The following BTBD1 variants were observed in gnomAD, a reference collection of about 807,000 sequenced individuals.
BTBD1 encodes BTB/POZ domain-containing protein 1.
BTBD1 carries 34 observed loss-of-function variants against 48.0 expected under a neutral mutation model. The observed-to-expected ratio is 0.71, with a 90% CI of 0.54 to 0.94. BTBD1 has a LOEUF of 0.94. BTBD1 is among the 40% of genes least tolerant of loss of function. BTBD1 has a pLI of 0.00. For synonymous variants in BTBD1, 261 were observed against 242.1 expected (o/e 1.08, Z -0.72); for missense variants, 543 against 625.6 (o/e 0.87, Z 1.41).
At chr15:83,031,814 C>T (rs897904748) in intron 4 of BTBD1, among the ~76,000 whole-genome samples, 1 of 150,846 alleles carries the variant, frequency 6.6e-6, no homozygotes, top group African/African-American at 2.4e-5. Flanking sequence ...GGCCAATACA[C>T]ATAAGAAAAA....
chr15:83,046,329 GGTAGAAAGA>G (rs1446104122), intron 3 of BTBD1, among the ~76,000 whole-genome samples: 1 of 151,908 alleles, frequency 6.6e-6, no homozygotes, highest in Non-Finnish European at 1.5e-5. Flanking sequence ...TAGTCTATGG[GGTAGAAAGA>G]CAAACACATA....
At position 83,030,118 on chromosome 15, in the gene BTBD1, C is replaced by T. The variant is rs920634900; in HGVS notation, c.1055+18G>A. On this transcript the variant is annotated intron_variant, in intron 5 of 7. Coordinates refer to ENST00000261721, the MANE Select transcript of BTBD1 (RefSeq NM_025238.4). ...TGCTACCCCCACTCTACCCCCGCAT[C>T]CCCAATATAACAGATACCTGATTCG... is the stretch of plus-strand genomic sequence containing the variant. The T allele has an allele frequency of 1.2e-6, 2 of 1,612,392 alleles. No homozygotes were observed. Among genetic ancestry groups the T allele is most frequent in the Non-Finnish European group, 1.7e-6 (2 of 1,178,850 alleles).
In BTBD1 at chr15:83,017,494, T is replaced by C. The variant is rs916025310; in HGVS notation, c.*573A>G. 6.6e-6 allele frequency: 1 copy of C among 152,668 alleles called. No homozygotes were observed. The highest frequency in any genetic ancestry group is 1.5e-5 in the Non-Finnish European group (1 of 68,058). The allele number at this position is 152,668 out of a possible 1,614,324, so 9.5% of individuals were successfully genotyped here. A position where few individuals can be genotyped will look rare whatever the true frequency, so the allele number is the denominator to read the frequency against. On this transcript the variant is annotated 3_prime_UTR_variant, in exon 8 of 8. Coordinates refer to ENST00000261721, the MANE Select transcript of BTBD1 (RefSeq NM_025238.4). ...TCCTTCTCTATAAATGCACTGAATA[T>C]TTTCTTGGGCATTTTATTAGGCCTT...
chr15:83,056,684 C>A (rs2033091194), intron 1 of BTBD1, 139 bp from the exon 2 acceptor site: 1 of 604,512 alleles, frequency 1.7e-6, no homozygotes, highest in Non-Finnish European at 2.7e-6. Flanking sequence ...CCCACCCACC[C>A]ACCCAGCCAT....
At chr15:83,051,691 C>T (rs1369966589) in intron 2 of BTBD1, among the ~76,000 whole-genome samples, 1 of 151,336 alleles carries the variant, frequency 6.6e-6, no homozygotes, top group Non-Finnish European at 1.5e-5. Context: ...AACTATTTTT[C>T]ATTTGGAATT....
intron 3 of BTBD1, among the ~76,000 whole-genome samples, chr15:83,049,500 C>T (rs534944031): frequency 1.2e-4 from 19 of 152,294 alleles, no homozygotes; most frequent in Admixed American, 9.8e-4. Context: ...TTGAAGTAAT[C>T]GCACCATTTT....
At chr15:83,028,691 C>A (rs2032457517) in intron 5 of BTBD1, 1 of 152,124 alleles carries the variant, frequency 6.6e-6, no homozygotes, top group Non-Finnish European at 1.5e-5. Flanking sequence ...TCTATTCAGG[C>A]TTTTCTTCTT....
At chr15:83,053,449 TACTCCA>T (rs2033029441) in intron 2 of BTBD1, among the ~76,000 whole-genome samples, 1 of 152,212 alleles carries the variant, frequency 6.6e-6, no homozygotes, top group South Asian at 2.1e-4. Context: ...ACCCAACATG[TACTCCA>T]GAAACACTGG....
chr15:83,065,804 A>G (rs2033258349), intron 1 of BTBD1, among the ~76,000 whole-genome samples: 1 of 152,072 alleles, frequency 6.6e-6, no homozygotes, highest in Non-Finnish European at 1.5e-5. Flanking sequence ...CCAAACAATC[A>G]CCTTTTCATT....
chr15:83,065,379 C>T (rs1411518531), intron 1 of BTBD1, among the ~76,000 whole-genome samples: 1 of 152,194 alleles, frequency 6.6e-6, no homozygotes, highest in East Asian at 1.9e-4. Context: ...CCAGGTAAAA[C>T]ATTCGTTAAT....
intron 4 of BTBD1, among the ~76,000 whole-genome samples, chr15:83,039,471 A>G (rs2032696715): frequency 6.6e-6 from 1 of 152,128 alleles, no homozygotes; most frequent in Admixed American, 6.6e-5. Context: ...GAGATTTTTT[A>G]AAGAACTCAG....
At chr15:83,019,057 T>G (rs1002611339) in intron 6 of BTBD1, among the ~76,000 whole-genome samples, 5 of 150,702 alleles carry the variant, frequency 3.3e-5, no homozygotes, top group Admixed American at 6.6e-5. Context: ...TTGGTGGGTG[T>G]GTGTGTGTGT....
intron 1 of BTBD1, among the ~76,000 whole-genome samples, chr15:83,057,235 C>A (rs765547134): frequency 6.6e-6 from 1 of 152,148 alleles, no homozygotes; most frequent in Non-Finnish European, 1.5e-5. Flanking sequence ...CATTTCAGGG[C>A]TTCTGACTGT....
At chr15:83,044,617 C>T (rs1403074109) in intron 3 of BTBD1, 1 of 1,576,388 alleles carries the variant, frequency 6.3e-7, no homozygotes, top group East Asian at 2.2e-5. Context: ...AAAACTCAGA[C>T]TGTGTGCAGC....
intron 5 of BTBD1, among the ~76,000 whole-genome samples, chr15:83,027,580 G>T (rs2032433532): frequency 6.6e-6 from 1 of 152,182 alleles, no homozygotes; most frequent in Non-Finnish European, 1.5e-5. Flanking sequence ...AACCAGGAAA[G>T]TAGAGCCTTG....
chr15:83,020,845 C>A, intron 5 of BTBD1, 83 bp from the exon 6 acceptor site: 1 of 752,194 alleles, frequency 1.3e-6, no homozygotes, highest in Non-Finnish European at 2.2e-6. Context: ...TTAAGTGTAA[C>A]CTGGAACATC....
At chr15:83,031,314 C>T (rs2032511146) in intron 4 of BTBD1, among the ~76,000 whole-genome samples, 1 of 152,196 alleles carries the variant, frequency 6.6e-6, no homozygotes, top group South Asian at 2.1e-4. Flanking sequence ...CTGTTGGCTG[C>T]ATAAATGTCT....
At chr15:83,019,025 T>C (rs1360677185) in intron 6 of BTBD1, among the ~76,000 whole-genome samples, 172 bp from the exon 7 acceptor site, 31 of 150,534 alleles carry the variant, frequency 2.1e-4, no homozygotes, top group Admixed American at 2.1e-3. Flanking sequence ...TGTGTGTGTT[T>C]GAGACAGACT....
intron 4 of BTBD1, among the ~76,000 whole-genome samples, chr15:83,036,959 A>G (rs932312953): frequency 2.0e-5 from 3 of 152,246 alleles, no homozygotes; most frequent in Non-Finnish European, 2.9e-5. Flanking sequence ...CTAGTACAGT[A>G]GGATAAATTG....
Sources: gnomAD v4.1 joint callset for allele counts (sites outside exome capture counted in the v4.1 genomes callset) on GRCh38, gnomAD v4.1.1 for gene constraint, MANE v1.5 for transcripts, NCBI Gene and HGNC (gene_info 2026-07-23, HGNC 2026-07-21) for gene names.